The following MARS1 variants were observed in gnomAD, a reference collection of about 807,000 sequenced individuals.
MARS1 encodes the protein methionine--tRNA ligase, cytoplasmic.
A neutral mutation model predicts 119.5 loss-of-function variants in MARS1; 80 were observed. The ratio of observed to expected loss-of-function variants is 0.67; its 90% CI spans 0.56 to 0.81. The LOEUF is 0.81. Ranked by LOEUF, MARS1 falls within the 30% of genes least tolerant of loss-of-function variation. The pLI is 0.00. For missense variants in MARS1, 945 were observed against 1,116.5 expected (o/e 0.85, Z 2.19); for synonymous variants, 418 against 433.4 (o/e 0.96, Z 0.44).
At chr12:57,493,489 A>G (rs1346138692) in intron 7 of MARS1, among the ~76,000 whole-genome samples, 1 of 4,072 alleles carries the variant, frequency 2.5e-4, no homozygotes, top group African/African-American at 6.1e-4. Context: ...TATAATATAT[A>G]ATATATTATA....
At chr12:57,503,233 CTTTT>C (rs777768874) in intron 10 of MARS1, among the ~76,000 whole-genome samples, 4 of 136,090 alleles carry the variant, frequency 2.9e-5, no homozygotes, top group Admixed American at 7.4e-5. Context: ...GCACTTGTTT[CTTTT>C]TTTTTTTTTT....
chr12:57,509,380 A>C (rs1181942698), intron 11 of MARS1, among the ~76,000 whole-genome samples: 1 of 152,100 alleles, frequency 6.6e-6, no homozygotes, highest in Non-Finnish European at 1.5e-5. Context: ...AGGACCTTTT[A>C]TCAAAGAGAG....
intron 11 of MARS1, among the ~76,000 whole-genome samples, chr12:57,507,036 A>G (rs1261612814): frequency 6.7e-6 from 1 of 149,100 alleles, no homozygotes; most frequent in Non-Finnish European, 1.5e-5. Context: ...ACTTGAGATT[A>G]GGGAGTGGTG....
chr12:57,492,031 GCA>G (rs896182235), intron 7 of MARS1, among the ~76,000 whole-genome samples: 8 of 152,076 alleles, frequency 5.3e-5, no homozygotes, highest in African/African-American at 1.9e-4. Context: ...TGTAATCCTA[GCA>G]CTTTGGGAGG....
rs747060601 is a variant in MARS1 at position 57,504,265 on chromosome 12, A to G, written c.1334A>G (p.Gln445Arg). The G allele has an allele frequency of 2.5e-6, 4 of 1,614,194 alleles. No homozygotes were observed. The highest frequency in any genetic ancestry group is 3.4e-6 in the Non-Finnish European group (4 of 1,180,016). ...GTCTGCCGATCATGCCCTGTGGTGC[A>G]GTCGAGCCAGCACCTGTTTCTGGAC... ...CKVCRSCPVV[Q>R]SSQHLFLDLP... Residue 445 changes from glutamine (Q) to arginine (R), a missense_variant, in exon 11 of 21, where the codon CAG becomes CGG. Physicochemically the swap from Gln to Arg is conservative, Grantham distance 43. Coordinates refer to ENST00000262027, the MANE Select transcript of MARS1 (RefSeq NM_004990.4).
At chr12:57,512,384 G>T (rs1877564674) in intron 14 of MARS1, 31 bp downstream of exon 14, 1 of 1,476,600 alleles carries the variant, frequency 6.8e-7, no homozygotes, top group Non-Finnish European at 9.5e-7. Flanking sequence ...CTGATGGGGT[G>T]TTCATAGGAA....
In MARS1 at chr12:57,516,568, A is replaced by G; in HGVS notation, c.2690A>G (p.Lys897Arg). Reference protein sequence around the residue: ...EGKPPEAPKGKKKK With the variant: ...EGKPPEAPKGRKKK Reference sequence around the variant, plus strand: ...AAACCCCCTGAAGCCCCTAAAGGCAAGAAGAAAAAGTAAAAGACCTTGGCT... The same window carrying G: ...AAACCCCCTGAAGCCCCTAAAGGCAGGAAGAAAAAGTAAAAGACCTTGGCT... The change falls in exon 21 of 21, where the codon AAG (lysine) becomes AGG (arginine). Residue 897 changes from lysine to arginine, a missense_variant. Coordinates refer to ENST00000262027, the MANE Select transcript of MARS1 (RefSeq NM_004990.4). 6.3e-7 allele frequency: 1 copy of G among 1,577,294 alleles called. No homozygotes were observed. Among genetic ancestry groups the G allele is most frequent in the Non-Finnish European group, 8.6e-7 (1 of 1,169,080 alleles).
At chr12:57,488,636 T>C in intron 1 of MARS1, 3 of 1,551,034 alleles carry the variant, frequency 1.9e-6, no homozygotes, top group Non-Finnish European at 2.6e-6. Flanking sequence ...AGCCGATTGT[T>C]TGGGTGACTC....
chr12:57,507,210 T>C (rs1877225826), intron 11 of MARS1, among the ~76,000 whole-genome samples: 3 of 152,054 alleles, frequency 2.0e-5, no homozygotes, highest in Non-Finnish European at 2.9e-5. Context: ...GAAGAATTTT[T>C]CTTAGTACAG....
chr12:57,493,923 A>AAT (rs1352270153), intron 7 of MARS1, among the ~76,000 whole-genome samples: 1 of 63,086 alleles, frequency 1.6e-5, no homozygotes, highest in Non-Finnish European at 2.7e-5. Flanking sequence ...TAATATATAT[A>AAT]ATATATATTA....
chr12:57,496,777 CAAA>C (rs780162798), intron 7 of MARS1, among the ~76,000 whole-genome samples: 9 of 78,750 alleles, frequency 1.1e-4, no homozygotes, highest in Admixed American at 2.7e-4. Context: ...ACCCTGTCTC[CAAA>C]AAAAAAAAAA....
At chr12:57,507,971 C>T (rs1877301338) in intron 11 of MARS1, among the ~76,000 whole-genome samples, 1 of 151,720 alleles carries the variant, frequency 6.6e-6, no homozygotes, top group Non-Finnish European at 1.5e-5. Context: ...GGAGGGTCTC[C>T]TCACTTCTCA....
Position 57,489,341 on chromosome 12 carries a change from T to G in MARS1, c.275T>G (p.Leu92Arg). 1 of 1,614,080 alleles carries G rather than the reference T, an allele frequency of 6.2e-7. No individual in the cohort carries two copies. Among genetic ancestry groups the G allele is most frequent in the Non-Finnish European group, 8.5e-7 (1 of 1,180,024 alleles). ...TGGCTGGAATGGGAAGCGACAGAGC[T>G]GCAGGTAGGACTAAGGTATGGGGGA... Reference protein sequence around the residue: ...NQWLEWEATELQPALSAALYY... With the variant: ...NQWLEWEATERQPALSAALYY... The change falls in exon 3 of 21, where the codon CTG becomes CGG. Residue 92 changes from leucine (L) to arginine (R), a missense_variant. Physicochemically the swap from Leu to Arg is moderately radical, Grantham distance 102. Transcript: ENST00000262027.
intron 7 of MARS1, among the ~76,000 whole-genome samples, chr12:57,497,382 C>T (rs1044403145): frequency 2.6e-5 from 4 of 151,994 alleles, no homozygotes; most frequent in African/African-American, 9.7e-5. Flanking sequence ...GTGAGGGAAT[C>T]GGGGAGGCAG....
At chr12:57,490,875 CTTTT>C (rs34238800) in intron 7 of MARS1, among the ~76,000 whole-genome samples, 2 of 101,046 alleles carry the variant, frequency 2.0e-5, no homozygotes, top group Non-Finnish European at 1.9e-5. Flanking sequence ...CTTGTCTATC[CTTTT>C]TTTTTTTTTT....
At position 57,515,098 on chromosome 12, in the gene MARS1, C is replaced by T. The variant is rs780701790; in HGVS notation, c.2204+40C>T. 4.3e-6 allele frequency: 7 copies of T among 1,613,684 alleles called. No individual in the cohort carries two copies. The Admixed American group carries it at 6.7e-5, about 15-fold the overall frequency. On this transcript the variant is annotated intron_variant, in intron 17 of 20. Transcript: ENST00000262027. ...AGGGTTGGCTAAAGGCATAAAGTGG[C>T]TTGTAAGCTGTATCCTCCTGGAGGT...
intron 15 of MARS1, 22 bp downstream of exon 15, chr12:57,512,986 G>C: frequency 1.2e-6 from 2 of 1,604,900 alleles, no homozygotes; most frequent in Non-Finnish European, 1.7e-6. Context: ...TAAGGGGTCA[G>C]AGTTAGCAGT....
intron 11 of MARS1, among the ~76,000 whole-genome samples, chr12:57,510,617 GAA>G (rs969413743): frequency 2.0e-5 from 3 of 150,446 alleles, no homozygotes; most frequent in Admixed American, 6.6e-5. Context: ...AAAAAAAAAA[GAA>G]AATTTTTTTT....
chr12:57,512,455 T>C, intron 14 of MARS1, 102 bp downstream of exon 14: 12 of 834,096 alleles, frequency 1.4e-5, no homozygotes, highest in Non-Finnish European at 2.2e-5. Context: ...GAGTTAGGAG[T>C]TGAGCTGAAA....
Sources: allele counts gnomAD v4.1 joint callset (sites outside exome capture counted in the v4.1 genomes callset), GRCh38; gene constraint gnomAD v4.1.1; transcripts MANE v1.5; gene names NCBI Gene and HGNC (gene_info 2026-07-23, HGNC 2026-07-21).